Variants in KCTD16 observed in about 807,000 individuals in gnomAD.
KCTD16 encodes potassium channel tetramerization domain containing 16, also known as BTB/POZ domain-containing protein KCTD16.
KCTD16 carries 13 observed loss-of-function variants against 33.2 expected under a neutral mutation model. The ratio of observed to expected loss-of-function variants is 0.39; its 90% confidence interval spans 0.25 to 0.62. KCTD16 has a LOEUF of 0.62. Ranked by LOEUF, KCTD16 falls within the 20% of genes least tolerant of loss-of-function variation. The probability of loss-of-function intolerance (pLI) is 0.50; values close to 1 mark genes in which losing one functional copy is unlikely to be tolerated. For missense variants in KCTD16, 441 were observed against 525.1 expected (o/e 0.84, Z 1.57); for synonymous variants, 197 against 195.3 (o/e 1.01, Z -0.07).
intron 3 of KCTD16, among the ~76,000 whole-genome samples, chr5:144,418,277 G>T (rs1380854702): frequency 6.6e-6 from 1 of 152,112 alleles, no homozygotes; most frequent in East Asian, 1.9e-4. Flanking sequence ...GAGACCGAGT[G>T]GGTTGCCAAC....
chr5:144,293,800 G>A (rs749971787), intron 3 of KCTD16, among the ~76,000 whole-genome samples: 3 of 152,198 alleles, frequency 2.0e-5, no homozygotes, highest in Non-Finnish European at 4.4e-5. Context: ...TGCATATAAT[G>A]TTGAATGCTT....
rs1755887567 is a variant in KCTD16, at chr5:144,291,208, G to A, written c.832+83662G>A. On this transcript the variant is annotated intron_variant, in intron 3 of 3. Coordinates refer to ENST00000512467, the MANE Select transcript of KCTD16 (RefSeq NM_020768.4). ...GCCTAAAACCCTGCCTCATGGGTTAGCATTCTTATGTCCACAGTATCTGGT... is the reference window on the plus strand; with the variant it reads ...GCCTAAAACCCTGCCTCATGGGTTAACATTCTTATGTCCACAGTATCTGGT... Among the ~76,000 whole-genome samples the A allele has an allele frequency of 3.3e-5, 5 of 152,154 alleles. No homozygotes were observed. In the South Asian group the frequency reaches 1.0e-3, roughly 31 times the overall value.
intron 3 of KCTD16, chr5:144,439,202 G>A (rs1262675432): frequency 2.1e-5 from 4 of 191,842 alleles, no homozygotes; most frequent in Non-Finnish European, 4.3e-5. Context: ...CAGACACAGC[G>A]ATCATATCGC....
At chr5:144,340,452 G>C (rs953057381) in intron 3 of KCTD16, among the ~76,000 whole-genome samples, 1 of 151,552 alleles carries the variant, frequency 6.6e-6, no homozygotes, top group Admixed American at 6.6e-5. Flanking sequence ...GAGTTGGAGA[G>C]GGGGAGCTTT....
chr5:144,237,518 CTG>C (rs1243483236), intron 3 of KCTD16, among the ~76,000 whole-genome samples: 3 of 151,916 alleles, frequency 2.0e-5, no homozygotes. Flanking sequence ...TTCAAATAGT[CTG>C]TCTTATTTCT....
In KCTD16 at chr5:144,269,191, G is replaced by A. The variant is rs79062672; in HGVS notation, c.832+61645G>A. On this transcript the variant is annotated intron_variant, in intron 3 of 3. Transcript: ENST00000512467. ...CAGAGAGAATATTTGAAGAAATAATGTCTGAAAACTTCCCAAATTTGATAA... is the reference window on the plus strand; with the variant it reads ...CAGAGAGAATATTTGAAGAAATAATATCTGAAAACTTCCCAAATTTGATAA... 6.0e-3 allele frequency among the ~76,000 whole-genome samples: 917 copies of A among 152,092 alleles called. 3 individuals carry two copies. Among genetic ancestry groups the A allele is most frequent in the South Asian group, 0.01 (50 of 4,824 alleles).
At chr5:144,396,930 A>T (rs999441396) in intron 3 of KCTD16, among the ~76,000 whole-genome samples, 2 of 145,686 alleles carry the variant, frequency 1.4e-5, no homozygotes, top group Non-Finnish European at 3.0e-5. Flanking sequence ...ATATATATAT[A>T]TATTTTATTA....
At chr5:144,200,448 A>G (rs981551756) in intron 2 of KCTD16, among the ~76,000 whole-genome samples, 9 of 152,352 alleles carry the variant, frequency 5.9e-5, no homozygotes, top group Admixed American at 5.9e-4. Flanking sequence ...CTTTCTTGCC[A>G]GGCTTTACGT....
At chr5:144,255,853 T>C (rs553714251) in intron 3 of KCTD16, among the ~76,000 whole-genome samples, 1 of 152,294 alleles carries the variant, frequency 6.6e-6, no homozygotes, top group African/African-American at 2.4e-5. Flanking sequence ...AAATAAAACC[T>C]TAGAGAATGT....
intron 3 of KCTD16, among the ~76,000 whole-genome samples, chr5:144,417,238 G>T (rs1295332939): frequency 6.6e-6 from 1 of 151,990 alleles, no homozygotes; most frequent in African/African-American, 2.4e-5. Flanking sequence ...TCACCAATGT[G>T]GAGAGTTCTA....
chr5:144,383,333 T>A (rs1189157501), intron 3 of KCTD16, among the ~76,000 whole-genome samples: 1 of 152,224 alleles, frequency 6.6e-6, no homozygotes, highest in African/African-American at 2.4e-5. Context: ...TTGACCTTTC[T>A]TTTCACATTT....
intron 3 of KCTD16, among the ~76,000 whole-genome samples, chr5:144,301,058 C>A (rs998143451): frequency 6.6e-6 from 1 of 151,814 alleles, no homozygotes; most frequent in Non-Finnish European, 1.5e-5. Flanking sequence ...CAGGCCAACA[C>A]GGTGAAACCC....
intron 3 of KCTD16, among the ~76,000 whole-genome samples, chr5:144,246,034 T>G (rs1453654485): frequency 1.3e-5 from 2 of 152,210 alleles, no homozygotes; most frequent in African/African-American, 4.8e-5. Flanking sequence ...AATTGTGGTC[T>G]TTATCCTAAG....
At chr5:144,242,315 A>G (rs779628088) in intron 3 of KCTD16, among the ~76,000 whole-genome samples, 21 of 152,224 alleles carry the variant, frequency 1.4e-4, no homozygotes, top group Admixed American at 2.6e-4. Flanking sequence ...TTTTTGTAGA[A>G]AATGATAAGC....
Position 144,453,041 on chromosome 5 carries a change from T to C in KCTD16, c.833-20619T>C, listed in dbSNP as rs78252832. Among the ~76,000 whole-genome samples the C allele has an allele frequency of 4.8e-3, 726 of 152,252 alleles. 7 individuals are homozygous for C. The highest frequency in any genetic ancestry group is 0.017 in the African/African-American group (697 of 41,554). ...TATCTGAAACACACAAAGCAGGAGT[T>C]TGGTCCTGAGAAGCCCTTTCTTCCT... On this transcript the variant is annotated intron_variant, in intron 3 of 3. Coordinates refer to ENST00000512467, the MANE Select transcript of KCTD16 (RefSeq NM_020768.4).
Position 144,485,168 on chromosome 5 carries a change from G to GT in KCTD16, c.*11059dup, listed in dbSNP as rs1243001458. 6.6e-6 allele frequency: 1 copy of GT among 151,676 alleles called. No individual in the cohort carries two copies. The highest frequency in any genetic ancestry group is 1.5e-5 in the Non-Finnish European group (1 of 67,856). The allele number at this position is 151,676 out of a possible 1,614,324, so 9.4% of individuals were successfully genotyped here. On this transcript the variant is annotated 3_prime_UTR_variant, in exon 4 of 4. Coordinates refer to ENST00000512467, the MANE Select transcript of KCTD16 (RefSeq NM_020768.4). ...TGCTGTATTTCTTTCTTACCTATTT[G>GT]TTTTTGCGAGAAAAACATGATAGAA...
rs967162096 is a variant in KCTD16, at chr5:144,477,964, C to T, written c.*3850C>T. 5 of 151,958 alleles carry T rather than the reference C, an allele frequency of 3.3e-5. No homozygotes were observed. The highest frequency in any genetic ancestry group is 1.9e-4 in the East Asian group (1 of 5,172). The allele number at this position is 151,958 out of a possible 1,614,324, so 9.4% of individuals were successfully genotyped here. A position where few individuals can be genotyped will look rare whatever the true frequency, so the allele number is the denominator to read the frequency against. On this transcript the variant is annotated 3_prime_UTR_variant, in exon 4 of 4. Coordinates refer to ENST00000512467, the MANE Select transcript of KCTD16 (RefSeq NM_020768.4). ...GACATACCAATTTTCAAAAGAAAAA[C>T]GAAGGGAGTTTATTTTTCCTTATGG...
At chr5:144,356,057 T>C (rs1045046116) in intron 3 of KCTD16, among the ~76,000 whole-genome samples, 2 of 152,186 alleles carry the variant, frequency 1.3e-5, no homozygotes, top group Non-Finnish European at 2.9e-5. Flanking sequence ...CTGTTTCATA[T>C]GTGATTGTCT....
Position 144,484,849 on chromosome 5 carries a change from T to C in KCTD16, c.*10735T>C, listed in dbSNP as rs1349920473. The C allele has an allele frequency of 6.6e-6, 1 of 152,002 alleles. No individual in the cohort carries two copies. Among genetic ancestry groups the C allele is most frequent in the Non-Finnish European group, 1.5e-5 (1 of 67,940 alleles). The allele number at this position is 152,002 out of a possible 1,614,324, so 9.4% of individuals were successfully genotyped here. A position where few individuals can be genotyped will look rare whatever the true frequency, so the allele number is the denominator to read the frequency against. ...CCAATGCAGTTCGCTTGTACATAAA[T>C]GTAACGTCATATTGTTTACAGGTTA... On this transcript the variant is annotated 3_prime_UTR_variant, in exon 4 of 4. Coordinates refer to ENST00000512467, the MANE Select transcript of KCTD16 (RefSeq NM_020768.4).
Sources: allele counts gnomAD v4.1 joint callset (sites outside exome capture counted in the v4.1 genomes callset), GRCh38; gene constraint gnomAD v4.1.1; transcripts MANE v1.5; gene names NCBI Gene and HGNC (gene_info 2026-07-23, HGNC 2026-07-21).